ZCWPW2: variants seen among roughly 807,000 people sequenced by gnomAD.
The protein encoded by ZCWPW2 is zinc finger CW-type and PWWP domain containing 2.
A neutral mutation model predicts 46.6 loss-of-function variants in ZCWPW2; 45 were observed. The observed-to-expected ratio is 0.96, with a 90% CI of 0.76 to 1.24. The LOEUF is 1.24. ZCWPW2 is among the 50% of genes most tolerant of loss of function. The pLI, the probability that ZCWPW2 is intolerant of heterozygous loss-of-function variation, is 0.00. For missense variants in ZCWPW2, 429 were observed against 403.9 expected (o/e 1.06, Z -0.53); for synonymous variants, 152 against 137.1 (o/e 1.11, Z -0.76).
intron 6 of ZCWPW2, among the ~76,000 whole-genome samples, chr3:28,502,543 G>C (rs912411244): frequency 2.0e-5 from 3 of 152,132 alleles, no homozygotes; most frequent in African/African-American, 7.2e-5. Flanking sequence ...GGGTAAATGC[G>C]TGTCAAGGGT....
At chr3:28,436,940 A>G (rs953934328) in intron 4 of ZCWPW2, among the ~76,000 whole-genome samples, 1 of 152,190 alleles carries the variant, frequency 6.6e-6, no homozygotes, top group Non-Finnish European at 1.5e-5. Flanking sequence ...TTCTTTGAAG[A>G]TGGAGATTGT....
intron 5 of ZCWPW2, among the ~76,000 whole-genome samples, chr3:28,489,641 TTCTC>T (rs200398235): frequency 2.9e-5 from 4 of 140,126 alleles, no homozygotes; most frequent in African/African-American, 1.1e-4. Flanking sequence ...CTCTCTTTCT[TTCTC>T]TCTCTTTCAC....
rs553687059 is a variant in ZCWPW2, at chr3:28,482,957, T to A, written c.610+4026T>A. On this transcript the variant is annotated intron_variant, in intron 5 of 9. Coordinates refer to ENST00000383768, the MANE Select transcript of ZCWPW2 (RefSeq NM_001040432.4). ...CCCAATATGTGGCTTATCTTTTCTA[T>A]TCTCTTGACAGAATCTTTGGCAGAG... 2.6e-5 allele frequency among the ~76,000 whole-genome samples: 4 copies of A among 152,304 alleles called. No homozygotes were observed. The South Asian group carries it at 6.2e-4, about 24-fold the overall frequency.
intron 4 of ZCWPW2, among the ~76,000 whole-genome samples, chr3:28,460,697 A>T (rs1422028559): frequency 1.3e-5 from 2 of 152,188 alleles, no homozygotes; most frequent in Non-Finnish European, 2.9e-5. Flanking sequence ...AGAAGACAAG[A>T]TATCCTAGTG....
chr3:28,467,517 G>A (rs1220370104), intron 4 of ZCWPW2, among the ~76,000 whole-genome samples: 2 of 152,180 alleles, frequency 1.3e-5, no homozygotes, highest in Non-Finnish European at 2.9e-5. Context: ...GCCAGGTAGT[G>A]GTTACAGTGG....
chr3:28,494,458 T>C (rs1699919677), intron 6 of ZCWPW2, among the ~76,000 whole-genome samples: 1 of 148,804 alleles, frequency 6.7e-6, no homozygotes, highest in South Asian at 2.2e-4. Flanking sequence ...ATCAGATAGT[T>C]GTAGATATGC....
At chr3:28,434,468 C>T (rs1697402564) in intron 3 of ZCWPW2, among the ~76,000 whole-genome samples, 1 of 152,032 alleles carries the variant, frequency 6.6e-6, no homozygotes, top group African/African-American at 2.4e-5. Flanking sequence ...AATAACATAT[C>T]TCTAAATGTT....
At chr3:28,487,383 G>A (rs1009018513) in intron 5 of ZCWPW2, among the ~76,000 whole-genome samples, 3 of 151,856 alleles carry the variant, frequency 2.0e-5, no homozygotes, top group South Asian at 2.1e-4. Flanking sequence ...CAGCCATGTC[G>A]AGTCTACTGA....
At chr3:28,453,191 C>A (rs1406366251) in intron 4 of ZCWPW2, among the ~76,000 whole-genome samples, 1 of 152,136 alleles carries the variant, frequency 6.6e-6, no homozygotes, top group East Asian at 1.9e-4. Context: ...ATTTCATGTT[C>A]TTTGCAACTG....
chr3:28,449,619 T>G (rs746299430), intron 4 of ZCWPW2, among the ~76,000 whole-genome samples: 4 of 152,176 alleles, frequency 2.6e-5, no homozygotes, highest in Non-Finnish European at 5.9e-5. Context: ...TTGCACAACA[T>G]TATAAATGTA....
intron 4 of ZCWPW2, among the ~76,000 whole-genome samples, chr3:28,466,772 C>T (rs775458038): frequency 2.6e-5 from 4 of 151,856 alleles, no homozygotes; most frequent in Admixed American, 6.6e-5. Flanking sequence ...GGACTCCAGC[C>T]GGGGTGACGA....
intron 8 of ZCWPW2, among the ~76,000 whole-genome samples, chr3:28,519,344 G>T (rs953521327): frequency 6.6e-6 from 1 of 152,134 alleles, no homozygotes; most frequent in Non-Finnish European, 1.5e-5. Flanking sequence ...CTGCCCCTTA[G>T]TAGGTAAACA....
chr3:28,441,522 G>A (rs1235296895), intron 4 of ZCWPW2, among the ~76,000 whole-genome samples: 4 of 152,158 alleles, frequency 2.6e-5, no homozygotes, highest in Non-Finnish European at 5.9e-5. Flanking sequence ...CCACTTTCGA[G>A]TGGTGCCTGC....
At chr3:28,423,203 T>C (rs903198946) in intron 3 of ZCWPW2, among the ~76,000 whole-genome samples, 1 of 152,046 alleles carries the variant, frequency 6.6e-6, no homozygotes, top group South Asian at 2.1e-4. Context: ...ATTTTTTTAT[T>C]TTAATGAACT....
At chr3:28,520,529 C>G (rs1417429293) in intron 8 of ZCWPW2, among the ~76,000 whole-genome samples, 2 of 152,070 alleles carry the variant, frequency 1.3e-5, no homozygotes, top group Non-Finnish European at 2.9e-5. Context: ...GGAACATAGC[C>G]ACTCTCATTT....
At chr3:28,424,530 G>A (rs1696928454) in intron 3 of ZCWPW2, among the ~76,000 whole-genome samples, 1 of 152,190 alleles carries the variant, frequency 6.6e-6, no homozygotes, top group African/African-American at 2.4e-5. Flanking sequence ...AAGACCATGT[G>A]AGGACATAGC....
intron 4 of ZCWPW2, among the ~76,000 whole-genome samples, chr3:28,461,355 C>T (rs557808145): frequency 1.3e-5 from 2 of 152,038 alleles, no homozygotes; most frequent in East Asian, 3.9e-4. Flanking sequence ...TTATACTTGA[C>T]ATTAGACACA....
chr3:28,496,229 A>G (rs1277709581), intron 6 of ZCWPW2, among the ~76,000 whole-genome samples: 1 of 152,092 alleles, frequency 6.6e-6, no homozygotes, highest in African/African-American at 2.4e-5. Flanking sequence ...ATGTAACAGG[A>G]AATTTGAGAT....
At chr3:28,412,689 G>T (rs937700848) in intron 2 of ZCWPW2, among the ~76,000 whole-genome samples, 3 of 151,996 alleles carry the variant, frequency 2.0e-5, no homozygotes, top group Non-Finnish European at 4.4e-5. Flanking sequence ...ATAATACCTG[G>T]TGCATAGTCA....
Sources: gnomAD v4.1 joint callset for allele counts (sites outside exome capture counted in the v4.1 genomes callset) on GRCh38, gnomAD v4.1.1 for gene constraint, MANE v1.5 for transcripts, NCBI Gene and HGNC (gene_info 2026-07-23, HGNC 2026-07-21) for gene names.